Variants in NDUFAF6 observed in about 807,000 individuals in gnomAD.
The protein encoded by NDUFAF6 is NADH dehydrogenase (ubiquinone) complex I, assembly factor 6.
In NDUFAF6, 45 loss-of-function variants were observed where a neutral mutation model predicts 40.8. The observed-to-expected ratio is 1.10, with a 90% CI of 0.87 to 1.42. The LOEUF (loss-of-function observed/expected upper bound fraction) is 1.42, where lower values mean the gene tolerates loss of function less well. NDUFAF6 is among the 40% of genes most tolerant of loss of function. NDUFAF6 has a pLI of 0.00. For synonymous variants in NDUFAF6, 185 were observed against 155.9 expected (o/e 1.19, Z -1.39); for missense variants, 435 against 418.5 (o/e 1.04, Z -0.34).
At chr8:94,918,818 T>C (rs1819307559) in intron 1 of NDUFAF6, among the ~76,000 whole-genome samples, 1 of 152,224 alleles carries the variant, frequency 6.6e-6, no homozygotes, top group Admixed American at 6.5e-5. Context: ...TGTTTTACCT[T>C]TGGGAGGTGT....
chr8:95,018,011 G>T (rs1827536291), intron 2 of NDUFAF6, among the ~76,000 whole-genome samples: 1 of 152,148 alleles, frequency 6.6e-6, no homozygotes, highest in Non-Finnish European at 1.5e-5. Context: ...CTGCCATCCT[G>T]ATTTAGAAAA....
At chr8:94,931,614 A>C (rs1230053037) in intron 1 of NDUFAF6, among the ~76,000 whole-genome samples, 2 of 152,098 alleles carry the variant, frequency 1.3e-5, no homozygotes, top group Non-Finnish European at 2.9e-5. Context: ...ACACACATAA[A>C]ATTTTTTTAA....
At chr8:94,930,351 T>TA in intron 1 of NDUFAF6, 1 of 1,315,388 alleles carries the variant, frequency 7.6e-7, no homozygotes, top group Admixed American at 2.2e-5. Flanking sequence ...AGTGTCTAAA[T>TA]ACACTGATAA....
At chr8:94,995,762 G>GT (rs1826400261) in intron 2 of NDUFAF6, among the ~76,000 whole-genome samples, 1 of 152,174 alleles carries the variant, frequency 6.6e-6, no homozygotes, top group Non-Finnish European at 1.5e-5. Flanking sequence ...ACTTCCCTCA[G>GT]TGTTCCAGGC....
chr8:95,052,080 C>G (rs1290136865), intron 7 of NDUFAF6, 94 bp from the exon 8 acceptor site: 1 of 1,125,082 alleles, frequency 8.9e-7, no homozygotes, highest in South Asian at 1.2e-5. Flanking sequence ...TGAGAGAGGC[C>G]CTATCAGTAT....
chr8:94,903,578 G>A (rs370822594), intron 1 of NDUFAF6, among the ~76,000 whole-genome samples: 1 of 152,124 alleles, frequency 6.6e-6, no homozygotes, highest in African/African-American at 2.4e-5. Flanking sequence ...GCATAAAAGC[G>A]TGCTTCACCA....
At chr8:94,981,191 C>T (rs139719817) in intron 2 of NDUFAF6, among the ~76,000 whole-genome samples, 543 of 152,298 alleles carry the variant, frequency 3.6e-3, no homozygotes, top group African/African-American at 0.012. Flanking sequence ...CTTGTTCTCT[C>T]AGTTCTGGAT....
At chr8:94,939,018 G>A (rs527410238) in intron 1 of NDUFAF6, among the ~76,000 whole-genome samples, 1 of 152,252 alleles carries the variant, frequency 6.6e-6, no homozygotes, top group Non-Finnish European at 1.5e-5. Flanking sequence ...GACACTAGAG[G>A]GTGTCCACTG....
intron 2 of NDUFAF6, among the ~76,000 whole-genome samples, chr8:95,013,631 G>A (rs1480462117): frequency 6.6e-6 from 1 of 152,202 alleles, no homozygotes; most frequent in South Asian, 2.1e-4. Flanking sequence ...AGTGCCGTGG[G>A]TATAACATGA....
At chr8:95,010,955 G>A (rs978599269) in intron 2 of NDUFAF6, among the ~76,000 whole-genome samples, 1 of 152,250 alleles carries the variant, frequency 6.6e-6, no homozygotes, top group African/African-American at 2.4e-5. Context: ...CAGGGGAGCC[G>A]TGAGCACAGA....
In NDUFAF6 at chr8:95,108,524, A is replaced by G. The variant is rs141297237; in HGVS notation, n.344+5513A>G. ...AATAGTCAAATACCTAGAGACAAAA[A>G]GTAGAACAGTGCTTACCAGGGCCTG... On this transcript the variant is annotated intron_variant and non_coding_transcript_variant, in intron 4 of 5. Coordinates refer to the NDUFAF6 transcript ENST00000523184. Among the ~76,000 whole-genome samples the G allele has an allele frequency of 1.9e-4, 29 of 152,296 alleles. No individual in the cohort carries two copies. The East Asian group carries it at 5.4e-3, about 28-fold the overall frequency.
chr8:94,941,113 A>G, intron 1 of NDUFAF6: 2 of 587,908 alleles, frequency 3.4e-6, no homozygotes, highest in Middle Eastern at 2.6e-4. Context: ...CAGAAAAAGG[A>G]AGTTATTTCA....
intron 1 of NDUFAF6, among the ~76,000 whole-genome samples, chr8:94,897,896 G>A (rs926057360): frequency 2.0e-5 from 3 of 152,084 alleles, no homozygotes; most frequent in African/African-American, 4.8e-5. Context: ...ATATATAGTA[G>A]GACTTGGGTA....
At chr8:95,038,531 A>G (rs978521395) in intron 3 of NDUFAF6, among the ~76,000 whole-genome samples, 1 of 151,704 alleles carries the variant, frequency 6.6e-6, no homozygotes, top group African/African-American at 2.4e-5. Flanking sequence ...AATTTTTAGT[A>G]CAGGTGAGGT....
intron 2 of NDUFAF6, among the ~76,000 whole-genome samples, chr8:94,952,203 C>T (rs933356305): frequency 1.3e-5 from 2 of 152,212 alleles, no homozygotes; most frequent in African/African-American, 4.8e-5. Context: ...CACATTCACA[C>T]CAACAAACAG....
intron 7 of NDUFAF6, among the ~76,000 whole-genome samples, chr8:95,049,242 T>C (rs960888485): frequency 9.8e-5 from 15 of 152,338 alleles, no homozygotes; most frequent in Admixed American, 4.6e-4. Context: ...TAGACGTCTC[T>C]CTCTGTGTCA....
intron 1 of NDUFAF6, among the ~76,000 whole-genome samples, chr8:94,922,120 G>A (rs2131271523): frequency 6.6e-6 from 1 of 151,872 alleles, no homozygotes; most frequent in East Asian, 1.9e-4. Context: ...GGATTCTCCT[G>A]CCTCAGCCTC....
chr8:94,935,128 TATAGATAGATAGATAG>T (rs56734843), intron 1 of NDUFAF6, among the ~76,000 whole-genome samples: 24 of 144,750 alleles, frequency 1.7e-4, no homozygotes, highest in African/African-American at 4.9e-4. Flanking sequence ...GGTAGATAGA[TATAGATAGATAGATAG>T]ATAGATAGAT....
intron 1 of NDUFAF6, among the ~76,000 whole-genome samples, chr8:94,980,448 T>G (rs1442963007): frequency 2.0e-4 from 29 of 144,242 alleles, no homozygotes; most frequent in East Asian, 3.9e-4. Flanking sequence ...TTTTGTTTTT[T>G]TTTTTTTTTT....
Sources: gnomAD v4.1 joint callset for allele counts (sites outside exome capture counted in the v4.1 genomes callset) on GRCh38, gnomAD v4.1.1 for gene constraint, MANE v1.5 for transcripts, NCBI Gene and HGNC (gene_info 2026-07-23, HGNC 2026-07-21) for gene names.